Variants in AUTS2 observed in about 807,000 individuals in gnomAD.
AUTS2 encodes the protein activator of transcription and developmental regulator AUTS2, also known as autism susceptibility gene 2 protein.
In AUTS2, 17 loss-of-function variants were observed where a neutral mutation model predicts 112.4. That is an observed-to-expected ratio of 0.15 (90% CI 0.10 to 0.23). The LOEUF is 0.23. Ranked by LOEUF, AUTS2 falls within the 10% of genes least tolerant of loss-of-function variation. AUTS2 has a pLI of 1.00. For missense variants in AUTS2, 1,510 were observed against 1,701.6 expected, an observed-to-expected ratio of 0.89 and a Z score of 1.98; for synonymous variants, 751 against 702.7, an observed-to-expected ratio of 1.07 and a Z score of -1.09.
At chr7:70,730,709 G>T (rs538194823) in intron 6 of AUTS2, among the ~76,000 whole-genome samples, 4 of 152,232 alleles carry the variant, frequency 2.6e-5, no homozygotes, top group African/African-American at 9.6e-5. Flanking sequence ...TAATGCTGCC[G>T]TGAACATTCA....
At chr7:69,930,827 A>T (rs954054261) in intron 2 of AUTS2, among the ~76,000 whole-genome samples, 1 of 152,118 alleles carries the variant, frequency 6.6e-6, no homozygotes, top group African/African-American at 2.4e-5. Context: ...AAACATCATC[A>T]TTATTAACTT....
chr7:70,013,209 T>C (rs919782600), intron 2 of AUTS2, among the ~76,000 whole-genome samples: 4 of 152,248 alleles, frequency 2.6e-5, no homozygotes, highest in Non-Finnish European at 5.9e-5. Flanking sequence ...TTTCTGTTAC[T>C]GAAAGCTTGC....
chr7:70,685,713 T>A (rs1298946771), intron 5 of AUTS2, among the ~76,000 whole-genome samples: 1 of 152,014 alleles, frequency 6.6e-6, no homozygotes, highest in Non-Finnish European at 1.5e-5. Flanking sequence ...AATTGTTTTT[T>A]AAAAAAAGAA....
chr7:69,818,709 T>C (rs1327967723), intron 1 of AUTS2, among the ~76,000 whole-genome samples: 1 of 152,206 alleles, frequency 6.6e-6, no homozygotes, highest in African/African-American at 2.4e-5. Context: ...TATAGTCCTC[T>C]TTGCTTTGTG....
chr7:70,433,463 G>A (rs574944257), intron 4 of AUTS2, among the ~76,000 whole-genome samples: 7 of 152,246 alleles, frequency 4.6e-5, no homozygotes, highest in African/African-American at 1.2e-4. Flanking sequence ...CCTCACAGAG[G>A]GCTTAATTAA....
intron 1 of AUTS2, among the ~76,000 whole-genome samples, chr7:69,796,599 C>G (rs960675497): frequency 6.6e-6 from 1 of 151,458 alleles, no homozygotes; most frequent in Admixed American, 6.6e-5. Context: ...CAGAATTGGA[C>G]ATTTTTGTGG....
chr7:70,652,750 G>A (rs1190458763), intron 5 of AUTS2, among the ~76,000 whole-genome samples: 1 of 151,916 alleles, frequency 6.6e-6, no homozygotes, highest in Non-Finnish European at 1.5e-5. Flanking sequence ...GGTTTTATTG[G>A]TGTATTTTGA....
At chr7:70,420,671 T>C (rs1795180264) in intron 4 of AUTS2, among the ~76,000 whole-genome samples, 1 of 152,220 alleles carries the variant, frequency 6.6e-6, no homozygotes, top group South Asian at 2.1e-4. Context: ...AAGCAGTGAC[T>C]GATAGAAATC....
chr7:69,873,809 T>C (rs1280045733), intron 1 of AUTS2, among the ~76,000 whole-genome samples: 1 of 152,218 alleles, frequency 6.6e-6, no homozygotes, highest in African/African-American at 2.4e-5. Flanking sequence ...ACCTACTTTA[T>C]GTATGAAGAT....
At chr7:70,060,900 C>A (rs1016193473) in intron 2 of AUTS2, among the ~76,000 whole-genome samples, 1 of 152,184 alleles carries the variant, frequency 6.6e-6, no homozygotes, top group Admixed American at 6.5e-5. Flanking sequence ...CCAGGTGGAG[C>A]CTGCCTGGTC....
intron 1 of AUTS2, among the ~76,000 whole-genome samples, chr7:69,734,040 T>A (rs1224075956): frequency 6.6e-6 from 1 of 152,202 alleles, no homozygotes; most frequent in Non-Finnish European, 1.5e-5. Context: ...CTGGTAAGAA[T>A]GCCAGCTTCG....
chr7:69,628,727 T>G (rs1229209485), intron 1 of AUTS2, among the ~76,000 whole-genome samples: 1 of 152,084 alleles, frequency 6.6e-6, no homozygotes, highest in Non-Finnish European at 1.5e-5. Context: ...ATGAGAACTC[T>G]TTCACGAGAA....
chr7:70,732,020 C>A (rs1380933506), intron 6 of AUTS2, among the ~76,000 whole-genome samples: 4 of 152,104 alleles, frequency 2.6e-5, no homozygotes, highest in African/African-American at 9.7e-5. Context: ...GACAAAATGT[C>A]CTTTACGGCA....
intron 5 of AUTS2, among the ~76,000 whole-genome samples, chr7:70,511,752 T>C (rs1469039582): frequency 6.6e-6 from 1 of 151,900 alleles, no homozygotes; most frequent in Non-Finnish European, 1.5e-5. Flanking sequence ...ATTTTTGTAT[T>C]TTTAATAGAG....
intron 1 of AUTS2, among the ~76,000 whole-genome samples, chr7:69,639,944 T>C (rs1457189283): frequency 2.0e-5 from 3 of 152,080 alleles, no homozygotes; most frequent in African/African-American, 7.2e-5. Flanking sequence ...GATCTGGGAG[T>C]CTTTGGCTCT....
intron 1 of AUTS2, among the ~76,000 whole-genome samples, chr7:69,882,618 T>C (rs2129538043): frequency 6.6e-6 from 1 of 152,352 alleles, no homozygotes; most frequent in East Asian, 1.9e-4. Context: ...TAATTTGGAC[T>C]GAACTCCTAA....
chr7:69,932,932 A>G (rs1446107522), intron 2 of AUTS2, among the ~76,000 whole-genome samples: 1 of 152,206 alleles, frequency 6.6e-6, no homozygotes, highest in Non-Finnish European at 1.5e-5. Flanking sequence ...TTGGTCTATA[A>G]TAACTCCAGG....
chr7:70,482,522 T>G (rs1174068140), intron 5 of AUTS2, among the ~76,000 whole-genome samples: 1 of 152,162 alleles, frequency 6.6e-6, no homozygotes, highest in African/African-American at 2.4e-5. Flanking sequence ...CTCTTTATGT[T>G]AAGGGATGGC....
At chr7:69,775,176 C>T (rs1053724322) in intron 1 of AUTS2, among the ~76,000 whole-genome samples, 1 of 152,208 alleles carries the variant, frequency 6.6e-6, no homozygotes, top group Non-Finnish European at 1.5e-5. Context: ...TTGCCTCTCT[C>T]ACTTAACCCC....
Sources: allele counts gnomAD v4.1 joint callset (sites outside exome capture counted in the v4.1 genomes callset), GRCh38; gene constraint gnomAD v4.1.1; transcripts MANE v1.5; gene names NCBI Gene and HGNC (gene_info 2026-07-23, HGNC 2026-07-21).